Variants in RORA observed in about 807,000 individuals in gnomAD.
RORA encodes RAR related orphan receptor A.
Under a neutral mutation model 69.5 loss-of-function variants are expected in RORA, and 7 were observed. The observed-to-expected ratio is 0.10, with a 90% CI of 0.06 to 0.19. RORA has a LOEUF of 0.19. Ranked by LOEUF, RORA falls within the 10% of genes least tolerant of loss-of-function variation. RORA has a pLI of 1.00. For missense variants in RORA, 457 were observed against 663.0 expected (o/e 0.69, Z 3.41); for synonymous variants, 261 against 240.8 (o/e 1.08, Z -0.78).
intron 1 of RORA, among the ~76,000 whole-genome samples, chr15:61,166,306 C>G (rs2079539327): frequency 6.6e-6 from 1 of 152,094 alleles, no homozygotes; most frequent in Non-Finnish European, 1.5e-5. Context: ...TGCCCAAGCA[C>G]CAGAAAGACA....
chr15:60,759,508 T>A (rs2071852712), intron 1 of RORA, among the ~76,000 whole-genome samples: 1 of 152,128 alleles, frequency 6.6e-6, no homozygotes, highest in African/African-American at 2.4e-5. Context: ...AAGAGAATAA[T>A]GAGGAAGCTG....
chr15:60,603,971 C>T (rs1178929354), intron 2 of RORA, among the ~76,000 whole-genome samples: 1 of 151,874 alleles, frequency 6.6e-6, no homozygotes, highest in Admixed American at 6.6e-5. Context: ...CCCGTCTCTA[C>T]TGAAAATACA....
At position 60,514,669 on chromosome 15, in the gene RORA, C is replaced by T; in HGVS notation, c.371G>A (p.Arg124His). Reference protein sequence around the residue: ...NCLIDRTSRNRCQHCRLQKCL... With the variant: ...NCLIDRTSRNHCQHCRLQKCL... Reference sequence around the variant, plus strand: ...TTTCTGTAATCGACAGTGTTGGCAGCGGTTTCTACTGGTTCGATCAATCAA... The same window carrying T: ...TTTCTGTAATCGACAGTGTTGGCAGTGGTTTCTACTGGTTCGATCAATCAA... Residue 124 changes from arginine (R) to histidine (H), a missense_variant, in exon 4 of 11, where the codon CGC (arginine) becomes CAC (histidine). This residue lies in a region of RORA where 34 missense variants were observed against 123.2 expected (regional missense o/e 0.28). Transcript: ENST00000335670. The T allele has an allele frequency of 6.2e-7, 1 of 1,614,038 alleles. No homozygotes were observed. The highest frequency in any genetic ancestry group is 8.5e-7 in the Non-Finnish European group (1 of 1,179,944).
intron 1 of RORA, among the ~76,000 whole-genome samples, chr15:60,758,362 C>T (rs2071833372): frequency 6.6e-6 from 1 of 152,190 alleles, no homozygotes; most frequent in Non-Finnish European, 1.5e-5. Context: ...GTCTCGAGCA[C>T]AGTACCCATT....
chr15:60,751,315 T>G (rs995785707), intron 1 of RORA, among the ~76,000 whole-genome samples: 1 of 152,082 alleles, frequency 6.6e-6, no homozygotes, highest in Non-Finnish European at 1.5e-5. Flanking sequence ...TGAAGATCAG[T>G]GGTGGGAATA....
At chr15:61,016,215 C>A (rs1454332997) in intron 1 of RORA, among the ~76,000 whole-genome samples, 1 of 152,188 alleles carries the variant, frequency 6.6e-6, no homozygotes, top group Non-Finnish European at 1.5e-5. Context: ...TGGCACTCTG[C>A]TTCATACAGT....
intron 1 of RORA, among the ~76,000 whole-genome samples, chr15:60,883,779 G>A (rs2073718755): frequency 6.6e-6 from 1 of 152,174 alleles, no homozygotes; most frequent in African/African-American, 2.4e-5. Flanking sequence ...GAGAACTTAA[G>A]TAAAAAAGAA....
At chr15:61,171,159 C>G (rs1218358635) in intron 1 of RORA, among the ~76,000 whole-genome samples, 1 of 152,204 alleles carries the variant, frequency 6.6e-6, no homozygotes, top group African/African-American at 2.4e-5. Flanking sequence ...TACACCAGAC[C>G]TGCCCCACGG....
In RORA at chr15:61,085,966, T is replaced by C. The variant is rs532927783; in HGVS notation, c.166+143087A>G. Among the ~76,000 whole-genome samples, 36 of 152,328 alleles carry C rather than the reference T, an allele frequency of 2.4e-4. 1 individual carries two copies. The South Asian group carries it at 5.8e-3, about 25-fold the overall frequency. The stretch of plus-strand genomic sequence containing the variant: ...ATTATATAGGCTCCTCTTGCCTAGG[T>C]TGCTATGCTGGGTCATAGTTTGTCA... On this transcript the variant is annotated intron_variant, in intron 1 of 10. Transcript: ENST00000335670.
intron 1 of RORA, among the ~76,000 whole-genome samples, chr15:60,821,199 G>C (rs916225835): frequency 1.3e-5 from 2 of 152,144 alleles, no homozygotes; most frequent in African/African-American, 2.4e-5. Context: ...AGTGCCTCCA[G>C]GTTCACTGAT....
chr15:60,655,803 A>G (rs1048498229), intron 2 of RORA, among the ~76,000 whole-genome samples: 1 of 152,202 alleles, frequency 6.6e-6, no homozygotes, highest in African/African-American at 2.4e-5. Context: ...TTCTGGGCAC[A>G]GGGACTGCAG....
chr15:61,119,303 T>C (rs1049817271), intron 1 of RORA, among the ~76,000 whole-genome samples: 1 of 151,716 alleles, frequency 6.6e-6, no homozygotes, highest in African/African-American at 2.4e-5. Flanking sequence ...GCTCAAGCAA[T>C]TCTCCCACAT....
At chr15:60,912,482 T>C (rs1267547193) in intron 1 of RORA, among the ~76,000 whole-genome samples, 1 of 150,892 alleles carries the variant, frequency 6.6e-6, no homozygotes, top group Non-Finnish European at 1.5e-5. Flanking sequence ...TCGCCGGGCA[T>C]GGTGGCTCAC....
chr15:60,738,156 C>A (rs1434171629), intron 1 of RORA, among the ~76,000 whole-genome samples: 1 of 152,194 alleles, frequency 6.6e-6, no homozygotes, highest in African/African-American at 2.4e-5. Context: ...GAGACCGTAG[C>A]AGCTTCTGTT....
intron 1 of RORA, among the ~76,000 whole-genome samples, chr15:61,078,322 C>A (rs1364573281): frequency 7.8e-6 from 1 of 129,010 alleles, no homozygotes; most frequent in African/African-American, 2.7e-5. Context: ...TGCCACCACA[C>A]CTGGCTCTGT....
chr15:60,745,051 G>A (rs1212444768), intron 1 of RORA, among the ~76,000 whole-genome samples: 3 of 152,206 alleles, frequency 2.0e-5, no homozygotes, highest in African/African-American at 7.2e-5. Flanking sequence ...CTCAATGGAC[G>A]GCTCTTTCTG....
At chr15:60,884,318 C>T (rs117956024) in intron 1 of RORA, among the ~76,000 whole-genome samples, 1 of 147,944 alleles carries the variant, frequency 6.8e-6, no homozygotes, top group Non-Finnish European at 1.5e-5. Flanking sequence ...ATATGATTCT[C>T]ACATCCTTTG....
At chr15:60,921,973 C>A (rs1398539692) in intron 1 of RORA, among the ~76,000 whole-genome samples, 1 of 152,150 alleles carries the variant, frequency 6.6e-6, no homozygotes, top group Non-Finnish European at 1.5e-5. Flanking sequence ...CCCCCATGGA[C>A]CCCGTCACTG....
At chr15:60,622,535 C>G (rs2069443275) in intron 2 of RORA, among the ~76,000 whole-genome samples, 1 of 151,738 alleles carries the variant, frequency 6.6e-6, no homozygotes, top group South Asian at 2.1e-4. Flanking sequence ...CCACCTGAGC[C>G]TGGGAGGTGG....
Sources: allele counts gnomAD v4.1 joint callset (sites outside exome capture counted in the v4.1 genomes callset), GRCh38; gene constraint gnomAD v4.1.1; regional missense constraint gnomAD v4.1.1; transcripts MANE v1.5; gene names NCBI Gene and HGNC (gene_info 2026-07-23, HGNC 2026-07-21).